The following RNF114 variants were observed in gnomAD, a reference collection of about 807,000 sequenced individuals.
The protein encoded by RNF114 is E3 ubiquitin-protein ligase RNF114.
RNF114 carries 6 observed loss-of-function variants against 28.4 expected under a neutral mutation model. That is an observed-to-expected ratio of 0.21 (90% CI 0.12 to 0.42). The LOEUF is 0.42. Ranked by LOEUF, RNF114 falls within the 10% of genes least tolerant of loss-of-function variation. The probability of loss-of-function intolerance (pLI) is 1.00; values close to 1 mark genes in which losing one functional copy is unlikely to be tolerated. For synonymous variants in RNF114, 115 were observed against 116.7 expected, an observed-to-expected ratio of 0.99 and a Z score of 0.09; for missense variants, 249 against 311.7, an observed-to-expected ratio of 0.80 and a Z score of 1.51.
intron 4 of RNF114, among the ~76,000 whole-genome samples, chr20:49,946,500 A>G (rs756182282): frequency 5.3e-5 from 8 of 152,210 alleles, no homozygotes; most frequent in Non-Finnish European, 1.2e-4. Context: ...AGGAGTGTGT[A>G]TGTCTTAAGA....
chr20:49,949,684 G>A (rs1048630251), intron 5 of RNF114, among the ~76,000 whole-genome samples: 2 of 152,010 alleles, frequency 1.3e-5, no homozygotes, highest in African/African-American at 2.4e-5. Flanking sequence ...TTGCTCTGTC[G>A]CCCAGGCTGG....
chr20:49,941,991 G>A (rs1256202039), intron 2 of RNF114: 4 of 358,468 alleles, frequency 1.1e-5, no homozygotes, highest in Admixed American at 5.1e-5. Context: ...ATGGCCAGGC[G>A]CGGTGGCTCA....
At position 49,941,730 on chromosome 20, in the gene RNF114, G is replaced by A. The variant is rs1026850640; in HGVS notation, c.291+19G>A. On this transcript the variant is annotated intron_variant, in intron 2 of 5. Transcript: ENST00000244061. ...TAAGAATGTATGTGGAAGTGATGTGGAAGAGTCCATGTCTTTCCATGATAA... is the reference window on the plus strand; with the variant it reads ...TAAGAATGTATGTGGAAGTGATGTGAAAGAGTCCATGTCTTTCCATGATAA... 3.7e-6 allele frequency: 6 copies of A among 1,606,952 alleles called. No individual in the cohort carries two copies. The highest frequency in any genetic ancestry group is 1.1e-5 in the South Asian group (1 of 90,664).
intron 1 of RNF114, among the ~76,000 whole-genome samples, chr20:49,939,463 T>G (rs1295433054): frequency 7.4e-6 from 1 of 136,030 alleles, no homozygotes; most frequent in African/African-American, 2.5e-5. Context: ...TCTGGCAGAT[T>G]TGGTTATACT....
intron 4 of RNF114, among the ~76,000 whole-genome samples, chr20:49,946,504 C>T (rs1044804738): frequency 1.4e-4 from 22 of 152,234 alleles, no homozygotes; most frequent in African/African-American, 4.6e-4. Context: ...GTGTGTATGT[C>T]TTAAGAACAA....
chr20:49,952,946 A>G lies in RNF114; in HGVS notation c.*805A>G, dbSNP rs537810099. The G allele has an allele frequency of 3.9e-5, 6 of 152,644 alleles. No individual in the cohort carries two copies. Among genetic ancestry groups the G allele is most frequent in the Non-Finnish European group, 5.9e-5 (4 of 68,034 alleles). The allele number at this position is 152,644 out of a possible 1,614,324, so 9.5% of individuals were successfully genotyped here. On this transcript the variant is annotated 3_prime_UTR_variant, in exon 6 of 6. Transcript: ENST00000244061. ...CAAATTAATGAAGTAGTTTCAAACA[A>G]CGCGGTCATGTTTACCTCTCCATTT...
intron 1 of RNF114, among the ~76,000 whole-genome samples, chr20:49,939,213 T>G (rs1481673588): frequency 6.6e-6 from 1 of 152,230 alleles, no homozygotes; most frequent in African/African-American, 2.4e-5. Flanking sequence ...TATCTGAAAT[T>G]AACATTTGTG....
At chr20:49,946,328 G>A (rs1242739687) in intron 4 of RNF114, 78 bp downstream of exon 4, 7 of 714,390 alleles carry the variant, frequency 9.8e-6, no homozygotes, top group Non-Finnish European at 1.6e-5. Context: ...GGGATTAGTA[G>A]AATGAACTCC....
Position 49,941,636 on chromosome 20 carries a change from AC to A in RNF114, c.218del (p.Pro73LeufsTer49). 6.2e-7 allele frequency: 1 copy of A among 1,613,014 alleles called. No homozygotes were observed. Among genetic ancestry groups the A allele is most frequent in the Non-Finnish European group, 8.5e-7 (1 of 1,179,620 alleles). On this transcript the variant is annotated frameshift_variant, in exon 2 of 6. Coordinates refer to ENST00000244061, the MANE Select transcript of RNF114 (RefSeq NM_018683.4). LOFTEE classifies it high-confidence loss of function. ...GTGGGGTGTGTCGCAGCGCTCTGGC[AC>A]CTGGCGTCCGAGCCGTGGAGCTCGA... is the stretch of plus-strand genomic sequence containing the variant. ...VCGVCRSALAPGVRAVELERQ... is the reference protein window; with the variant it reads ...VCGVCRSALAXGVRAVELERQ...
Position 49,936,500 on chromosome 20 carries a change from C to T in RNF114, c.88C>T (p.Pro30Ser). ...EADPLGRFTC[P>S]VCLEVYEKPV... ...TGACCCCCTAGGACGCTTCACGTGT[C>T]CCGTGTGCTTAGAGGTGTACGAGAA... Residue 30 changes from proline to serine, a missense_variant, in exon 1 of 6, where the codon CCC (proline) becomes TCC (serine). Physicochemically the swap from Pro to Ser is moderately conservative, Grantham distance 74. Around this residue, in one of 2 missense-constraint regions of RNF114, gnomAD observed 123 missense variants for 106.4 expected, o/e 1.16. Coordinates refer to ENST00000244061, the MANE Select transcript of RNF114 (RefSeq NM_018683.4). 6 of 1,576,020 alleles carry T rather than the reference C, an allele frequency of 3.8e-6. No homozygotes were observed. The highest frequency in any genetic ancestry group is 5.2e-6 in the Non-Finnish European group (6 of 1,162,258).
intron 5 of RNF114, among the ~76,000 whole-genome samples, chr20:49,951,500 G>A (rs765435663): frequency 6.6e-6 from 1 of 152,122 alleles, no homozygotes; most frequent in Non-Finnish European, 1.5e-5. Context: ...AATGTTCTGA[G>A]CACTTGGTCT....
rs1216531022 is a variant in RNF114, at chr20:49,952,564, C to T, written c.*423C>T. The T allele has an allele frequency of 1.1e-5, 3 of 277,628 alleles. No homozygotes were observed. Among genetic ancestry groups the T allele is most frequent in the African/African-American group, 6.5e-5 (3 of 46,290 alleles). 17.2% of individuals were successfully genotyped at this position (277,628 alleles called of 1,614,324 possible). The stretch of plus-strand genomic sequence containing the variant: ...GAAGCAAGTGTCTCCTTTCCTTGTC[C>T]CCAAGGTGTGCAGACTTTGGCAGCC... On this transcript the variant is annotated 3_prime_UTR_variant, in exon 6 of 6. Transcript: ENST00000244061.
chr20:49,947,774 T>G (rs1309130909), intron 4 of RNF114, among the ~76,000 whole-genome samples: 7 of 20,290 alleles, frequency 3.4e-4, no homozygotes, highest in African/African-American at 1.5e-3. Context: ...TGCAAGTTTT[T>G]TTTTTTTTTT....
chr20:49,947,809 T>TTTTTTTTTTTG (rs2090339739), intron 4 of RNF114, among the ~76,000 whole-genome samples: 1 of 100,162 alleles, frequency 1.0e-5, no homozygotes, highest in Non-Finnish European at 2.0e-5. Flanking sequence ...TTTTTTTTTT[T>TTTTTTTTTTTG]GAGGCGGAGT....
chr20:49,939,906 T>C (rs555894757), intron 1 of RNF114, among the ~76,000 whole-genome samples: 1 of 151,794 alleles, frequency 6.6e-6, no homozygotes, highest in South Asian at 2.1e-4. Flanking sequence ...AATATAAAAT[T>C]AGCTGGGTGT....
chr20:49,947,769 GTTTTT>G (rs71190519), intron 4 of RNF114, among the ~76,000 whole-genome samples: 13 of 50,472 alleles, frequency 2.6e-4, no homozygotes, highest in African/African-American at 9.2e-4. Context: ...CCCTCTGCAA[GTTTTT>G]TTTTTTTTTT....
At chr20:49,943,576 T>C (rs181596955) in intron 2 of RNF114, among the ~76,000 whole-genome samples, 5 of 151,824 alleles carry the variant, frequency 3.3e-5, no homozygotes, top group Non-Finnish European at 5.9e-5. Context: ...AGCTCAAATA[T>C]TGGAGCATTT....
intron 1 of RNF114, 85 bp from the exon 2 acceptor site, chr20:49,941,476 A>G: frequency 1.4e-6 from 2 of 1,435,468 alleles, no homozygotes; most frequent in Middle Eastern, 1.8e-4. Context: ...TCCATTATCC[A>G]TTGATGTCTT....
At chr20:49,945,293 C>G in intron 2 of RNF114, 89 bp from the exon 3 acceptor site, 1 of 756,046 alleles carries the variant, frequency 1.3e-6, no homozygotes, top group African/African-American at 1.7e-5. Flanking sequence ...TGGTGTAGGT[C>G]TAGTTTTCTT....
Sources: gnomAD v4.1 joint callset for allele counts (sites outside exome capture counted in the v4.1 genomes callset) on GRCh38, gnomAD v4.1.1 for gene constraint, gnomAD v4.1.1 regional missense constraint, MANE v1.5 for transcripts, NCBI Gene and HGNC (gene_info 2026-07-23, HGNC 2026-07-21) for gene names.